The following CCNY variants were observed in gnomAD, a reference collection of about 807,000 sequenced individuals.
CCNY encodes cyclin-Y.
Under a neutral mutation model 42.8 loss-of-function variants are expected in CCNY, and 19 were observed. The observed-to-expected ratio is 0.44, with a 90% CI of 0.31 to 0.65. The LOEUF is 0.65. Among genes scored for constraint, CCNY ranks in the 30% least tolerant of loss-of-function variants. CCNY has a pLI of 0.07. For synonymous variants in CCNY, 165 were observed against 162.7 expected (o/e 1.01, Z -0.11); for missense variants, 370 against 437.3 (o/e 0.85, Z 1.37).
intron 3 of CCNY, among the ~76,000 whole-genome samples, chr10:35,288,009 T>G (rs899971451): frequency 6.6e-6 from 1 of 152,190 alleles, no homozygotes; most frequent in Non-Finnish European, 1.5e-5. Context: ...ATGATAAATA[T>G]ATGTTTTACT....
At chr10:35,254,540 T>A (rs1251643508) in intron 3 of CCNY, among the ~76,000 whole-genome samples, 1 of 152,080 alleles carries the variant, frequency 6.6e-6, no homozygotes, top group Admixed American at 6.6e-5. Flanking sequence ...AATTTGATGA[T>A]AAAATAATTA....
At chr10:35,406,709 A>T (rs1243645219) in intron 1 of CCNY, among the ~76,000 whole-genome samples, 1 of 151,852 alleles carries the variant, frequency 6.6e-6, no homozygotes, top group Non-Finnish European at 1.5e-5. Flanking sequence ...CAAAACTGCC[A>T]CTGTCATCAT....
intron 1 of CCNY, among the ~76,000 whole-genome samples, chr10:35,396,418 G>A (rs556199995): frequency 7.9e-5 from 12 of 152,274 alleles, no homozygotes; most frequent in Admixed American, 7.2e-4. Context: ...AAGGTGGGGT[G>A]GGGGGCAGCC....
chr10:35,421,078 GCT>G (rs755147782), intron 1 of CCNY, among the ~76,000 whole-genome samples: 1 of 152,148 alleles, frequency 6.6e-6, no homozygotes, highest in Non-Finnish European at 1.5e-5. Flanking sequence ...GCCAGTGCCG[GCT>G]CTGCTTTGGG....
chr10:35,357,699 T>C (rs1475891430), intron 1 of CCNY, among the ~76,000 whole-genome samples: 1 of 152,270 alleles, frequency 6.6e-6, no homozygotes, highest in Admixed American at 6.5e-5. Context: ...TGCTGCTTTT[T>C]CCTTTGTAAT....
Position 35,267,311 on chromosome 10 carries a change from GAAAA to G in CCNY, c.-9+16697_-9+16700del, listed in dbSNP as rs35490407. Among the ~76,000 whole-genome samples the G allele has an allele frequency of 9.7e-4, 128 of 132,414 alleles. 1 individual carries two copies. Among genetic ancestry groups the G allele is most frequent in the African/African-American group, 3.6e-3 (127 of 35,510 alleles). The allele number at this position is 132,414 out of a possible 152,430, so 86.9% of individuals were successfully genotyped here. A position where few individuals can be genotyped will look rare whatever the true frequency, so the allele number is the denominator to read the frequency against. On this transcript the variant is annotated intron_variant, in intron 3 of 11. Coordinates refer to the CCNY transcript ENST00000374706. ...CAACAGAGAGAGATCCCATCACTTA[GAAAA>G]AAAAAAAAAAAGAGGATAATTCCAG...
At chr10:35,476,726 C>G (rs1385256408) in intron 1 of CCNY, among the ~76,000 whole-genome samples, 1 of 150,718 alleles carries the variant, frequency 6.6e-6, no homozygotes, top group African/African-American at 2.4e-5. Context: ...ATTAAAAGAA[C>G]TAGAAAAGCA....
intron 3 of CCNY, among the ~76,000 whole-genome samples, chr10:35,283,688 C>T (rs981559733): frequency 6.6e-6 from 1 of 152,198 alleles, no homozygotes; most frequent in African/African-American, 2.4e-5. Flanking sequence ...CAGGCGTGAG[C>T]CACTGCGCCC....
At chr10:35,316,011 TTTA>T (rs1474761307) in intron 3 of CCNY, among the ~76,000 whole-genome samples, 1 of 152,226 alleles carries the variant, frequency 6.6e-6, no homozygotes, top group Admixed American at 6.5e-5. Flanking sequence ...GTAATTGTCT[TTTA>T]TTGTGACTGG....
At chr10:35,436,798 T>C (rs1292560318) in intron 1 of CCNY, among the ~76,000 whole-genome samples, 1 of 152,258 alleles carries the variant, frequency 6.6e-6, no homozygotes, top group African/African-American at 2.4e-5. Context: ...TTTCCTTCTC[T>C]GTTGGTGATT....
chr10:35,553,888 G>T (rs1255231813), intron 8 of CCNY, among the ~76,000 whole-genome samples: 1 of 152,162 alleles, frequency 6.6e-6, no homozygotes, highest in Non-Finnish European at 1.5e-5. Flanking sequence ...GGTCTCTAGG[G>T]ACTGGGAATC....
intron 1 of CCNY, among the ~76,000 whole-genome samples, chr10:35,413,060 T>G (rs923192600): frequency 6.6e-6 from 1 of 151,806 alleles, no homozygotes; most frequent in African/African-American, 2.4e-5. Flanking sequence ...TTTAGTCTTT[T>G]GGTATTGTGT....
At chr10:35,567,237 G>T in intron 9 of CCNY, among the ~76,000 whole-genome samples, 1 of 152,142 alleles carries the variant, frequency 6.6e-6, no homozygotes, top group African/African-American at 2.4e-5. Flanking sequence ...AGCCCAGTTA[G>T]AGCTGAGGGC....
intron 3 of CCNY, among the ~76,000 whole-genome samples, chr10:35,302,310 A>AT (rs145385043): frequency 0.029 from 3,537 of 120,820 alleles, 123 homozygotes; most frequent in African/African-American, 0.085. Flanking sequence ...TGACATCTTA[A>AT]TTTTTTTTTT....
Position 35,501,545 on chromosome 10 carries a change from G to C in CCNY, c.264+10G>C, listed in dbSNP as rs1840110107. 1 of 1,611,750 alleles carries C rather than the reference G, an allele frequency of 6.2e-7. No individual in the cohort carries two copies. Among genetic ancestry groups the C allele is most frequent in the Non-Finnish European group, 8.5e-7 (1 of 1,177,900 alleles). On this transcript the variant is annotated intron_variant, in intron 3 of 9. Transcript: ENST00000374704. ...TCTCTTCATTAACCATGTAAGTGAA[G>C]CTGTCTCCCTGTGTTCTTCATAATG...
At chr10:35,492,535 T>G (rs1179584032) in intron 2 of CCNY, among the ~76,000 whole-genome samples, 2 of 152,258 alleles carry the variant, frequency 1.3e-5, no homozygotes, top group Non-Finnish European at 2.9e-5. Flanking sequence ...CAGTGCAGTT[T>G]GCATATTCCT....
chr10:35,365,552 A>G (rs751824944), intron 1 of CCNY, among the ~76,000 whole-genome samples: 1 of 152,218 alleles, frequency 6.6e-6, no homozygotes, highest in South Asian at 2.1e-4. Flanking sequence ...TGGATTACCT[A>G]TCGCAAATTA....
In CCNY at chr10:35,566,062, C is replaced by T. The variant is rs373667189; in HGVS notation, c.786C>T (p.Phe262=). ...GACAGTTTCTTGAATTGCTGCAGTTCAACATCAATGTTCCTTCCAGTGTCT... is the reference window on the plus strand; with the variant it reads ...GACAGTTTCTTGAATTGCTGCAGTTTAACATCAATGTTCCTTCCAGTGTCT... The part of the protein sequence containing the change: ...LERQFLELLQ[F]NINVPSSVYA... Residue 262 remains phenylalanine, a synonymous_variant, in exon 9 of 10, where the codon TTC becomes TTT. Coordinates refer to ENST00000374704, the MANE Select transcript of CCNY (RefSeq NM_145012.6). The T allele has an allele frequency of 4.3e-6, 7 of 1,613,934 alleles. No individual in the cohort carries two copies. The African/African-American group carries it at 9.3e-5, about 22-fold the overall frequency.
intron 1 of CCNY, among the ~76,000 whole-genome samples, chr10:35,340,087 T>A (rs979403073): frequency 6.6e-6 from 1 of 152,188 alleles, no homozygotes; most frequent in Non-Finnish European, 1.5e-5. Context: ...TTCATTTACT[T>A]AGAACTCACA....
Sources: gnomAD v4.1 joint callset for allele counts (sites outside exome capture counted in the v4.1 genomes callset) on GRCh38, gnomAD v4.1.1 for gene constraint, MANE v1.5 for transcripts, NCBI Gene and HGNC (gene_info 2026-07-23, HGNC 2026-07-21) for gene names.